SMG1: variants seen among roughly 807,000 people sequenced by gnomAD.
SMG1 encodes serine/threonine-protein kinase SMG1.
SMG1 carries 22 observed loss-of-function variants against 419.9 expected under a neutral mutation model. That is an observed-to-expected ratio of 0.05 (90% confidence interval 0.04 to 0.07). The LOEUF is 0.07. Ranked by LOEUF, SMG1 falls within the 10% of genes least tolerant of loss-of-function variation. The pLI is 1.00. For synonymous variants in SMG1, 1,538 were observed against 1,553.5 expected, an observed-to-expected ratio of 0.99 and a Z score of 0.23; for missense variants, 3,185 against 4,342.0, an observed-to-expected ratio of 0.73 and a Z score of 7.49.
At chr16:18,878,713 C>T (rs2036254746) in intron 11 of SMG1, 2 of 151,936 alleles carry the variant, frequency 1.3e-5, no homozygotes, top group South Asian at 4.1e-4. Context: ...AGCTATCAAC[C>T]AGTAAAAATA....
chr16:18,850,078 C>G lies in SMG1; in HGVS notation c.5332G>C (p.Glu1778Gln), dbSNP rs767540540. 4 of 1,613,924 alleles carry G rather than the reference C, an allele frequency of 2.5e-6. No individual in the cohort carries two copies. In the South Asian group the frequency reaches 4.4e-5, roughly 18 times the overall value. Reference protein sequence around the residue: ...DPRLHLSHRVEQSTDDMIVMA... With the variant: ...DPRLHLSHRVQQSTDDMIVMA... ...ACAATCATGTCATCAGTGCTCTGTT[C>G]CACTCTGTGACTTAAATGCAGCCTA... The change falls in exon 35 of 63, where the codon GAA becomes CAA. Residue 1778 changes from glutamate to glutamine, a missense_variant. Physicochemically the swap from Glu to Gln is conservative, Grantham distance 29 (BLOSUM62 2). Around this residue, in one of 27 missense-constraint regions of SMG1, gnomAD observed 493 missense variants for 552.9 expected, o/e 0.89. Coordinates refer to ENST00000446231, the MANE Select transcript of SMG1 (RefSeq NM_015092.5).
chr16:18,871,370 C>G lies in SMG1; in HGVS notation c.2296G>C (p.Ala766Pro). 3 of 1,516,730 alleles carry G rather than the reference C, an allele frequency of 2.0e-6. No homozygotes were observed. 94.0% of individuals were successfully genotyped at this position (1,516,730 alleles called of 1,614,324 possible). Residue 766 changes from alanine to proline, a missense_variant, in exon 16 of 63, where the codon GCC becomes CCC. This residue lies in a region of SMG1 where 297 missense variants were observed against 491.0 expected (regional missense o/e 0.60). Transcript: ENST00000446231. Reference protein sequence around the residue: ...SFHKFCKGLLANTLVEDVNIC... With the variant: ...SFHKFCKGLLPNTLVEDVNIC... ...AAAAAAAACAGAGTCTTACTGTTGG[C>G]TAAAAGGCCTTTGCAAAATTTATGG...
At chr16:18,842,696 G>A (rs918896616) in intron 39 of SMG1, among the ~76,000 whole-genome samples, 10 of 152,130 alleles carry the variant, frequency 6.6e-5, no homozygotes, top group Admixed American at 5.9e-4. Context: ...ACAGTGGCTC[G>A]TGCCTGTAGT....
At position 18,852,400 on chromosome 16, in the gene SMG1, G is replaced by C. The variant is rs1450780310; in HGVS notation, c.4831C>G (p.Gln1611Glu). ...CAAGATTTGGCTACTTCAGGTGCCT[G>C]TACTGAAGACAGGTGATACAACTGT... ...LGQLYHLSSV[Q>E]APEVAKSWAA... Residue 1611 changes from glutamine (Q) to glutamate (E), a missense_variant, in exon 32 of 63, where the codon CAG becomes GAG. Gln to Glu is a conservative substitution (Grantham distance 29). This residue lies in a region of SMG1 where 493 missense variants were observed against 552.9 expected (regional missense o/e 0.89). Transcript: ENST00000446231. 1 of 1,613,460 alleles carries C rather than the reference G, an allele frequency of 6.2e-7. No individual in the cohort carries two copies. Among genetic ancestry groups the C allele is most frequent in the African/African-American group, 1.3e-5 (1 of 75,024 alleles).
intron 1 of SMG1, chr16:18,900,153 G>A (rs2037289506): frequency 1.6e-6 from 1 of 628,224 alleles, no homozygotes. Flanking sequence ...TTGAACTATG[G>A]TCCCATTAGG....
intron 1 of SMG1, among the ~76,000 whole-genome samples, chr16:18,901,851 G>C (rs1269215550): frequency 6.7e-6 from 1 of 148,290 alleles, no homozygotes; most frequent in Non-Finnish European, 1.5e-5. Flanking sequence ...ACGGGCACCT[G>C]TAATAATCCC....
At chr16:18,877,896 TCAG>T (rs775935063) in intron 11 of SMG1, 1 of 152,220 alleles carries the variant, frequency 6.6e-6, no homozygotes, top group South Asian at 2.1e-4. Context: ...GCAGAAATGC[TCAG>T]CAGAATGTCA....
intron 1 of SMG1, among the ~76,000 whole-genome samples, chr16:18,907,454 CAAG>C (rs2141933734): frequency 6.6e-6 from 1 of 152,168 alleles, no homozygotes; most frequent in South Asian, 2.1e-4. Context: ...CTCCTGGGCT[CAAG>C]AGATCCTCTG....
At chr16:18,882,083 A>C in intron 10 of SMG1, 82 bp downstream of exon 10, 1 of 923,218 alleles carries the variant, frequency 1.1e-6, no homozygotes, top group Non-Finnish European at 1.6e-6. Flanking sequence ...GATTAATAAC[A>C]GTTCACCAGG....
intron 50 of SMG1, 47 bp from the exon 51 acceptor site, chr16:18,833,213 T>C: frequency 6.7e-7 from 1 of 1,488,916 alleles, no homozygotes; most frequent in Non-Finnish European, 9.2e-7. Flanking sequence ...TGAGTTTAGC[T>C]AAGTTACACA....
intron 56 of SMG1, among the ~76,000 whole-genome samples, chr16:18,818,512 G>C (rs867649516): frequency 9.9e-5 from 15 of 152,048 alleles, no homozygotes; most frequent in Non-Finnish European, 2.1e-4. Flanking sequence ...GAGCTAAAGG[G>C]ACATACCACC....
intron 45 of SMG1, 112 bp from the exon 46 acceptor site, chr16:18,837,555 G>GGGT (rs1175043011): frequency 2.3e-6 from 2 of 885,594 alleles, no homozygotes; most frequent in Admixed American, 5.7e-5. Context: ...AACCCGAAAG[G>GGGT]GGTGATGCGT....
At chr16:18,897,467 C>T (rs1324869266) in intron 1 of SMG1, among the ~76,000 whole-genome samples, 3 of 152,026 alleles carry the variant, frequency 2.0e-5, no homozygotes, top group African/African-American at 4.8e-5. Context: ...TGATTAGGTA[C>T]TGTAGTATTG....
intron 54 of SMG1, among the ~76,000 whole-genome samples, chr16:18,828,905 G>T (rs2032953658): frequency 6.6e-6 from 1 of 152,112 alleles, no homozygotes; most frequent in Admixed American, 6.5e-5. Flanking sequence ...GGCTGAGGAG[G>T]GAGAATCGCT....
chr16:18,815,365 A>C, intron 59 of SMG1, 75 bp downstream of exon 59: 1 of 1,573,988 alleles, frequency 6.4e-7, no homozygotes, highest in Admixed American at 1.7e-5. Context: ...TGAAAAATTA[A>C]ATCAAGAGAT....
rs1316007160 is a variant in SMG1 at position 18,804,950 on chromosome 16, A to AT, written c.*4618dup. 1 of 152,688 alleles carries AT rather than the reference A, an allele frequency of 6.5e-6. No individual in the cohort carries two copies. The highest frequency in any genetic ancestry group is 1.5e-5 in the Non-Finnish European group (1 of 68,030). 9.5% of individuals were successfully genotyped at this position (152,688 alleles called of 1,614,324 possible). A position where few individuals can be genotyped will look rare whatever the true frequency, so the allele number is the denominator to read the frequency against. On this transcript the variant is annotated 3_prime_UTR_variant, in exon 63 of 63. Coordinates refer to ENST00000446231, the MANE Select transcript of SMG1 (RefSeq NM_015092.5). ...GCAAATATGCACAAAGTAGGCATGT[A>AT]TTTGTTTTCCAAAAGATGCATTATG...
chr16:18,924,523 A>C (rs911784946), intron 1 of SMG1, among the ~76,000 whole-genome samples: 1 of 152,260 alleles, frequency 6.6e-6, no homozygotes, highest in African/African-American at 2.4e-5. Flanking sequence ...CCAGAAAATC[A>C]AATTTCACAC....
intron 38 of SMG1, among the ~76,000 whole-genome samples, chr16:18,846,571 A>G (rs1266895746): frequency 1.3e-5 from 2 of 152,218 alleles, no homozygotes. Context: ...AAGGACTTGT[A>G]ATGACATTTC....
At chr16:18,921,171 G>GA (rs1019990354) in intron 1 of SMG1, among the ~76,000 whole-genome samples, 9 of 149,038 alleles carry the variant, frequency 6.0e-5, no homozygotes, top group Non-Finnish European at 1.2e-4. Context: ...AGAGAGAGAG[G>GA]AAAAATAAAT....
Sources: allele counts gnomAD v4.1 joint callset (sites outside exome capture counted in the v4.1 genomes callset), GRCh38; gene constraint gnomAD v4.1.1; regional missense constraint gnomAD v4.1.1; transcripts MANE v1.5; gene names NCBI Gene and HGNC (gene_info 2026-07-23, HGNC 2026-07-21).